TSPAN33: variants seen among roughly 807,000 people sequenced by gnomAD.
TSPAN33 encodes tetraspanin-33.
Under a neutral mutation model 34.8 loss-of-function variants are expected in TSPAN33, and 27 were observed. The observed-to-expected ratio is 0.78, with a 90% CI of 0.57 to 1.07. The LOEUF is 1.07. Among genes scored for constraint, TSPAN33 ranks in the 50% least tolerant of loss-of-function variants. The pLI is 0.00. For synonymous variants in TSPAN33, 119 were observed against 124.2 expected (o/e 0.96, Z 0.28); for missense variants, 272 against 324.9 (o/e 0.84, Z 1.25).
Position 129,149,182 on chromosome 7 carries a change from G to A in TSPAN33, c.102+4100G>A, listed in dbSNP as rs145997429. On this transcript the variant is annotated intron_variant, in intron 1 of 7. Transcript: ENST00000486685. The stretch of plus-strand genomic sequence containing the variant: ...AACCATCTCCTTTGCTATGCAGGTC[G>A]CGTGCACACTTCTTAACTTCCCAGC... Among the ~76,000 whole-genome samples the A allele has an allele frequency of 2.8e-3, 421 of 152,288 alleles. 3 individuals are homozygous for A. Among genetic ancestry groups the A allele is most frequent in the African/African-American group, 9.3e-3 (388 of 41,560 alleles).
intron 4 of TSPAN33, among the ~76,000 whole-genome samples, chr7:129,164,022 GTCC>G (rs1793097763): frequency 6.6e-6 from 1 of 152,102 alleles, no homozygotes; most frequent in African/African-American, 2.4e-5. Context: ...GAATTTCGTA[GTCC>G]TCCTGGCTTA....
At chr7:129,166,121 G>A (rs1025737606) in intron 5 of TSPAN33, among the ~76,000 whole-genome samples, 6 of 151,992 alleles carry the variant, frequency 3.9e-5, no homozygotes, top group African/African-American at 1.4e-4. Context: ...TGTATTTTTA[G>A]TAAAGATGGG....
rs1406695364 is a variant in TSPAN33 at position 129,168,019 on chromosome 7, A to G, written c.*145A>G. On this transcript the variant is annotated 3_prime_UTR_variant, in exon 8 of 8. Transcript: ENST00000486685. ...GGGAAGAAGCAAACTCCAGATGGGC[A>G]GAAGGCAGGGTGCACAGGTGGCTCC... The G allele has an allele frequency of 5.5e-6, 8 of 1,462,980 alleles. No individual in the cohort carries two copies. The highest frequency in any genetic ancestry group is 7.2e-6 in the Non-Finnish European group (8 of 1,109,994). The allele number at this position is 1,462,980 out of a possible 1,614,324, so 90.6% of individuals were successfully genotyped here.
chr7:129,164,422 G>A, intron 4 of TSPAN33, 52 bp from the exon 5 acceptor site: 1 of 1,519,512 alleles, frequency 6.6e-7, no homozygotes, highest in South Asian at 1.1e-5. Flanking sequence ...GCTGGAAGGA[G>A]CAAGTTAGGG....
rs780846915 is a variant in TSPAN33 at position 129,162,810 on chromosome 7, CTCT to C, written c.289-17_289-15del. On this transcript the variant is annotated intron_variant, in intron 3 of 7. Coordinates refer to ENST00000486685, the MANE Select transcript of TSPAN33 (RefSeq NM_178562.5). ...TGCTGCCATGAGTGGTCCTAGACGC[CTCT>C]TCTTCCTGCTGCTCCACAGTTCTCC... 2.5e-6 allele frequency: 4 copies of C among 1,612,778 alleles called. No individual in the cohort carries two copies. The highest frequency in any genetic ancestry group is 2.7e-5 in the African/African-American group (2 of 74,916).
chr7:129,150,650 T>C (rs35625644), intron 1 of TSPAN33, among the ~76,000 whole-genome samples: 50,273 of 152,032 alleles, frequency 0.33, 8,949 homozygotes, highest in East Asian at 0.69. Context: ...GAGATCCTAA[T>C]GCCCTCTTGG....
chr7:129,161,787 C>T (rs748958252), intron 2 of TSPAN33, 51 bp downstream of exon 2: 12 of 1,609,040 alleles, frequency 7.5e-6, no homozygotes, highest in Middle Eastern at 3.6e-4. Flanking sequence ...TGCCCCTTTC[C>T]CCTCTGCCTC....
intron 1 of TSPAN33, among the ~76,000 whole-genome samples, chr7:129,161,186 G>A (rs1793044408): frequency 6.6e-6 from 1 of 152,218 alleles, no homozygotes; most frequent in Non-Finnish European, 1.5e-5. Context: ...CCATCCTCCT[G>A]CCTCAGCCTG....
intron 1 of TSPAN33, among the ~76,000 whole-genome samples, chr7:129,147,748 G>A (rs377738123): frequency 1.4e-4 from 22 of 152,196 alleles, no homozygotes; most frequent in African/African-American, 4.8e-4. Flanking sequence ...AACCCACTAG[G>A]AAGGTGTCCG....
At chr7:129,153,743 C>G (rs1437491804) in intron 1 of TSPAN33, among the ~76,000 whole-genome samples, 3 of 152,022 alleles carry the variant, frequency 2.0e-5, no homozygotes, top group African/African-American at 7.2e-5. Flanking sequence ...GAGTTCAAGA[C>G]CAGCCTGGGC....
At chr7:129,159,378 G>C (rs544425849) in intron 1 of TSPAN33, among the ~76,000 whole-genome samples, 2 of 152,122 alleles carry the variant, frequency 1.3e-5, no homozygotes, top group Non-Finnish European at 2.9e-5. Context: ...TCTTTTTCCC[G>C]TACTGTTGGT....
At chr7:129,159,465 G>A (rs1367235118) in intron 1 of TSPAN33, among the ~76,000 whole-genome samples, 4 of 152,164 alleles carry the variant, frequency 2.6e-5, no homozygotes, top group East Asian at 1.9e-4. Flanking sequence ...GCTGTGCTAC[G>A]ATTTAATCAG....
rs548056867 is a variant in TSPAN33 at position 129,168,146 on chromosome 7, G to C, written c.*272G>C. On this transcript the variant is annotated 3_prime_UTR_variant, in exon 8 of 8. Coordinates refer to ENST00000486685, the MANE Select transcript of TSPAN33 (RefSeq NM_178562.5). ...GGTTTATGTTTTCAGTTTTGTTTGG[G>C]AAACAGCAGTTGCACAGAGAGTTGG... 4.8e-4 allele frequency: 235 copies of C among 487,350 alleles called. 1 individual carries two copies. The South Asian group carries it at 6.6e-3, about 14-fold the overall frequency. The allele number at this position is 487,350 out of a possible 1,614,324, so 30.2% of individuals were successfully genotyped here.
Position 129,168,765 on chromosome 7 carries a change from G to A in TSPAN33, c.*891G>A, listed in dbSNP as rs1171336648. 1 of 152,790 alleles carries A rather than the reference G, an allele frequency of 6.5e-6. No individual in the cohort carries two copies. Among genetic ancestry groups the A allele is most frequent in the Non-Finnish European group, 1.5e-5 (1 of 68,222 alleles). The allele number at this position is 152,790 out of a possible 1,614,324, so 9.5% of individuals were successfully genotyped here. A position where few individuals can be genotyped will look rare whatever the true frequency, so the allele number is the denominator to read the frequency against. ...CATCGGAGCTCAGTATTCCTACAGG[G>A]TAAGAGGTAGGAATCTTGCTGGGAC... On this transcript the variant is annotated 3_prime_UTR_variant, in exon 8 of 8. Coordinates refer to ENST00000486685, the MANE Select transcript of TSPAN33 (RefSeq NM_178562.5).
At chr7:129,153,452 CAAAGGAAGAAAA>C in intron 1 of TSPAN33, among the ~76,000 whole-genome samples, 1 of 151,966 alleles carries the variant, frequency 6.6e-6, no homozygotes, top group Middle Eastern at 3.2e-3. Flanking sequence ...AGACCAAAAA[CAAAGGAAGAAAA>C]TTAAAGAGAA....
chr7:129,161,768 C>T (rs752070954), intron 2 of TSPAN33, 32 bp downstream of exon 2: 1 of 1,613,694 alleles, frequency 6.2e-7, no homozygotes, highest in African/African-American at 1.3e-5. Context: ...CTGCCCCCAC[C>T]TTGTGCCATG....
At chr7:129,152,596 A>C (rs1468210785) in intron 1 of TSPAN33, among the ~76,000 whole-genome samples, 1 of 152,182 alleles carries the variant, frequency 6.6e-6, no homozygotes, top group Non-Finnish European at 1.5e-5. Context: ...CTGAGGCACA[A>C]GAATCGCTTG....
In TSPAN33 at chr7:129,167,472, C is replaced by T; in HGVS notation, c.662C>T (p.Thr221Ile). Residue 221 changes from threonine (T) to isoleucine (I), a missense_variant, in exon 7 of 8, where the codon ACC (threonine) becomes ATC (isoleucine). Thr to Ile is a moderately conservative substitution (Grantham distance 89). Transcript: ENST00000486685. This position sits in a 1 kb window ranked among gnomAD's most constrained non-coding sequence, Gnocchi z 4.6. ...TTGGAAGCTAGCAAAGTCATCTACACCAATGGCTGTATTGACAAGTTGGTC... is the reference window on the plus strand; with the variant it reads ...TTGGAAGCTAGCAAAGTCATCTACATCAATGGCTGTATTGACAAGTTGGTC... Reference protein sequence around the residue: ...DYLEASKVIYTNGCIDKLVNW... With the variant: ...DYLEASKVIYINGCIDKLVNW... 2 of 1,614,246 alleles carry T rather than the reference C, an allele frequency of 1.2e-6. No individual in the cohort carries two copies. Among genetic ancestry groups the T allele is most frequent in the Non-Finnish European group, 1.7e-6 (2 of 1,180,034 alleles).
At chr7:129,158,769 T>C (rs1265687273) in intron 1 of TSPAN33, among the ~76,000 whole-genome samples, 2 of 152,248 alleles carry the variant, frequency 1.3e-5, no homozygotes, top group African/African-American at 4.8e-5. Context: ...TTTTTTCTTT[T>C]GATATAGAGT....
Sources: allele counts gnomAD v4.1 joint callset (sites outside exome capture counted in the v4.1 genomes callset), GRCh38; gene constraint gnomAD v4.1.1; non-coding constraint Gnocchi (gnomAD v3.1); transcripts MANE v1.5; gene names NCBI Gene and HGNC (gene_info 2026-07-23, HGNC 2026-07-21).